Variants in KIF16B observed in about 807,000 individuals in gnomAD.
KIF16B encodes the protein kinesin family member 16B.
KIF16B carries 98 observed loss-of-function variants against 156.3 expected under a neutral mutation model. The observed-to-expected ratio is 0.63, with a 90% CI of 0.53 to 0.74. KIF16B has a LOEUF of 0.74. KIF16B is among the 30% of genes least tolerant of loss of function. The pLI, the probability that KIF16B is intolerant of heterozygous loss-of-function variation, is 0.00. For synonymous variants in KIF16B, 564 were observed against 583.7 expected (o/e 0.97, Z 0.49); for missense variants, 1,421 against 1,606.5 (o/e 0.88, Z 1.97).
chr20:16,364,974 T>C (rs1004326303), intron 22 of KIF16B, among the ~76,000 whole-genome samples: 5 of 152,230 alleles, frequency 3.3e-5, no homozygotes, highest in African/African-American at 1.2e-4. Context: ...AGCACATCTG[T>C]CTAATATTTA....
chr20:16,375,746 A>C (rs1216683643), intron 19 of KIF16B, among the ~76,000 whole-genome samples: 1 of 152,182 alleles, frequency 6.6e-6, no homozygotes, highest in Non-Finnish European at 1.5e-5. Context: ...CAGTTAAGAA[A>C]ACTCCTGCTG....
chr20:16,527,276 C>T (rs897100278), intron 2 of KIF16B, among the ~76,000 whole-genome samples: 2 of 152,244 alleles, frequency 1.3e-5, no homozygotes, highest in African/African-American at 4.8e-5. Context: ...AGGCAAAGGA[C>T]ACCAGCGCCT....
At chr20:16,541,897 C>T (rs746176681) in intron 1 of KIF16B, among the ~76,000 whole-genome samples, 1 of 152,182 alleles carries the variant, frequency 6.6e-6, no homozygotes, top group African/African-American at 2.4e-5. Flanking sequence ...CTGCTTTGAG[C>T]AATCAGGGAC....
chr20:16,439,943 A>T (rs1381102645), intron 12 of KIF16B, among the ~76,000 whole-genome samples: 1 of 152,130 alleles, frequency 6.6e-6, no homozygotes, highest in Non-Finnish European at 1.5e-5. Flanking sequence ...TTGGGTGGAG[A>T]CACAGTCAAA....
At chr20:16,393,865 C>T (rs368388006) in intron 17 of KIF16B, among the ~76,000 whole-genome samples, 2 of 151,696 alleles carry the variant, frequency 1.3e-5, no homozygotes, top group African/African-American at 4.9e-5. Flanking sequence ...TGTGAAGAGC[C>T]GGTGGACAAA....
chr20:16,512,876 C>A lies in KIF16B; in HGVS notation c.396G>T (p.Arg132=). Residue 132 remains arginine, a synonymous_variant, in exon 5 of 26, where the codon CGG becomes CGT. Transcript: ENST00000354981. The stretch of plus-strand genomic sequence containing the variant: ...CATCCCATCTGGTGGTTTCATTTAT[C>A]CGACTGAAGAGTCCTTCACAGATCC... ...IPRICEGLFS[R]INETTRWDEA... 6.2e-7 allele frequency: 1 copy of A among 1,614,060 alleles called. No homozygotes were observed. The highest frequency in any genetic ancestry group is 1.1e-5 in the South Asian group (1 of 91,078).
chr20:16,460,942 A>C (rs2067331220), intron 12 of KIF16B, among the ~76,000 whole-genome samples: 1 of 152,132 alleles, frequency 6.6e-6, no homozygotes, highest in Admixed American at 6.5e-5. Flanking sequence ...TTAAAAAAGC[A>C]ATAATTATAA....
At chr20:16,455,203 T>A (rs1046356613) in intron 12 of KIF16B, among the ~76,000 whole-genome samples, 7 of 152,134 alleles carry the variant, frequency 4.6e-5, no homozygotes, top group South Asian at 4.1e-4. Context: ...CTTGTTTTTT[T>A]AAAATATATT....
chr20:16,522,714 A>C (rs952081071), intron 3 of KIF16B, among the ~76,000 whole-genome samples: 1 of 152,170 alleles, frequency 6.6e-6, no homozygotes, highest in Non-Finnish European at 1.5e-5. Context: ...AACAGAACAC[A>C]CATTCTTCTC....
intron 22 of KIF16B, among the ~76,000 whole-genome samples, chr20:16,363,676 C>A (rs186865161): frequency 6.6e-6 from 1 of 152,174 alleles, no homozygotes; most frequent in East Asian, 1.9e-4. Context: ...GTCATCACCA[C>A]GATGGCTACT....
chr20:16,351,745 G>A (rs1350607264), intron 23 of KIF16B, among the ~76,000 whole-genome samples: 1 of 152,208 alleles, frequency 6.6e-6, no homozygotes, highest in East Asian at 1.9e-4. Context: ...GGAAGGTACA[G>A]CTTCAAGGGT....
chr20:16,562,508 C>T (rs887173940), intron 1 of KIF16B, among the ~76,000 whole-genome samples: 1 of 152,168 alleles, frequency 6.6e-6, no homozygotes, highest in African/African-American at 2.4e-5. Flanking sequence ...GCAACAAACG[C>T]CGTGACTACG....
chr20:16,287,225 T>C (rs1225764428), intron 25 of KIF16B, among the ~76,000 whole-genome samples: 2 of 152,262 alleles, frequency 1.3e-5, no homozygotes. Flanking sequence ...CTATTTATAA[T>C]TTATGACTAA....
chr20:16,288,369 TAGTAAGTACAGATGTATGGTATGTACCTC>T (rs1351674928), intron 25 of KIF16B, among the ~76,000 whole-genome samples: 2 of 152,324 alleles, frequency 1.3e-5, no homozygotes, highest in African/African-American at 4.8e-5. Context: ...TAGAGAACCT[TAGTAAGTACAGATGTATGGTATGTACCTC>T]AGTAAGTACA....
At chr20:16,528,069 G>C (rs913351013) in intron 2 of KIF16B, among the ~76,000 whole-genome samples, 1 of 152,174 alleles carries the variant, frequency 6.6e-6, no homozygotes, top group Non-Finnish European at 1.5e-5. Flanking sequence ...GCCAGGCTAA[G>C]TCCCTACTAC....
At chr20:16,305,294 A>G (rs143680044) in intron 25 of KIF16B, among the ~76,000 whole-genome samples, 20 of 152,342 alleles carry the variant, frequency 1.3e-4, no homozygotes, top group African/African-American at 4.3e-4. Context: ...AAAAATAAAA[A>G]AAAAGACCAC....
intron 3 of KIF16B, among the ~76,000 whole-genome samples, chr20:16,520,199 G>C (rs2069292710): frequency 1.3e-5 from 2 of 151,898 alleles, no homozygotes; most frequent in South Asian, 4.2e-4. Context: ...CCCCTGGAAA[G>C]GAAGCTGAAG....
intron 12 of KIF16B, among the ~76,000 whole-genome samples, chr20:16,471,855 G>A (rs555257473): frequency 6.6e-6 from 1 of 152,220 alleles, no homozygotes; most frequent in South Asian, 2.1e-4. Context: ...TTCCATTAAG[G>A]TTTTTTGTTA....
intron 17 of KIF16B, among the ~76,000 whole-genome samples, chr20:16,393,895 G>A (rs996509086): frequency 2.7e-4 from 41 of 152,304 alleles, no homozygotes; most frequent in African/African-American, 9.4e-4. Flanking sequence ...GTTCTAGAAG[G>A]AGAGAATAGC....
Sources: gnomAD v4.1 joint callset for allele counts (sites outside exome capture counted in the v4.1 genomes callset) on GRCh38, gnomAD v4.1.1 for gene constraint, MANE v1.5 for transcripts, NCBI Gene and HGNC (gene_info 2026-07-23, HGNC 2026-07-21) for gene names.